CAMK1D: variants seen among roughly 807,000 people sequenced by gnomAD.
CAMK1D encodes the protein calcium/calmodulin-dependent protein kinase type 1D.
A neutral mutation model predicts 47.7 loss-of-function variants in CAMK1D; 9 were observed. The observed-to-expected ratio is 0.19, with a 90% CI of 0.11 to 0.33. CAMK1D has a LOEUF of 0.33. CAMK1D is among the 10% of genes least tolerant of loss of function. The pLI, the probability that CAMK1D is intolerant of heterozygous loss-of-function variation, is 1.00. For synonymous variants in CAMK1D, 184 were observed against 184.9 expected (o/e 0.99, Z 0.04); for missense variants, 291 against 488.7 (o/e 0.60, Z 3.81).
At chr10:12,734,472 GTGTA>G (rs1446668570) in intron 3 of CAMK1D, among the ~76,000 whole-genome samples, 4 of 21,066 alleles carry the variant, frequency 1.9e-4, no homozygotes, top group African/African-American at 2.3e-4. Flanking sequence ...ATACACATAT[GTGTA>G]TATATACACA....
chr10:12,827,498 C>CTTTCTTTCTTTCTTTCTTTCT lies in CAMK1D; in HGVS notation c.1040-1268_1040-1248dup, dbSNP rs1833287867. 1.7e-4 allele frequency among the ~76,000 whole-genome samples: 2 copies of CTTTCTTTCTTTCTTTCTTTCT among 11,760 alleles called. 1 individual carries two copies. The highest frequency in any genetic ancestry group is 3.8e-4 in the Non-Finnish European group (2 of 5,302). 7.7% of individuals were successfully genotyped at this position (11,760 alleles called of 152,430 possible). A position where few individuals can be genotyped will look rare whatever the true frequency, so the allele number is the denominator to read the frequency against. On this transcript the variant is annotated intron_variant, in intron 10 of 10. Coordinates refer to ENST00000619168, the MANE Select transcript of CAMK1D (RefSeq NM_153498.4). The stretch of plus-strand genomic sequence containing the variant: ...TCTTTCTTTCTTTCTTTCTTTCTTT[C>CTTTCTTTCTTTCTTTCTTTCT]TTTCTTTCTTTCTTTCTTTCTTTCT...
At chr10:12,412,296 C>G (rs1386073633) in intron 1 of CAMK1D, among the ~76,000 whole-genome samples, 1 of 151,880 alleles carries the variant, frequency 6.6e-6, no homozygotes, top group Non-Finnish European at 1.5e-5. Context: ...GCTGGTTGCC[C>G]CTCTTTACAG....
intron 6 of CAMK1D, among the ~76,000 whole-genome samples, chr10:12,810,051 G>A (rs1832536336): frequency 6.6e-6 from 1 of 151,250 alleles, no homozygotes; most frequent in South Asian, 2.1e-4. Context: ...GGGAGGCTGA[G>A]GCAGGAGGAT....
intron 2 of CAMK1D, among the ~76,000 whole-genome samples, chr10:12,594,988 C>A (rs1030208260): frequency 2.8e-4 from 42 of 152,100 alleles, no homozygotes; most frequent in Non-Finnish European, 1.3e-4. Context: ...CTGACACTGA[C>A]AATGAAAGGC....
At chr10:12,824,617 G>T in intron 9 of CAMK1D, 65 bp downstream of exon 9, 1 of 1,286,114 alleles carries the variant, frequency 7.8e-7, no homozygotes, top group Non-Finnish European at 1.1e-6. Context: ...CCTCCAATCT[G>T]AGCATTTCTG....
intron 2 of CAMK1D, among the ~76,000 whole-genome samples, chr10:12,621,857 G>A (rs997195301): frequency 2.0e-5 from 3 of 152,046 alleles, no homozygotes; most frequent in East Asian, 3.9e-4. Context: ...TGAAACCCTG[G>A]GTGTTAACCT....
intron 1 of CAMK1D, among the ~76,000 whole-genome samples, chr10:12,466,552 T>C (rs1170976136): frequency 6.7e-6 from 1 of 150,370 alleles, no homozygotes; most frequent in East Asian, 2.0e-4. Context: ...ACCACTACAC[T>C]CCAGCCTGGG....
At chr10:12,564,902 A>G (rs1443148963) in intron 2 of CAMK1D, among the ~76,000 whole-genome samples, 1 of 152,252 alleles carries the variant, frequency 6.6e-6, no homozygotes, top group Non-Finnish European at 1.5e-5. Flanking sequence ...ATATGCATAT[A>G]CACACATTGT....
intron 2 of CAMK1D, among the ~76,000 whole-genome samples, chr10:12,641,359 T>A (rs1839660890): frequency 6.6e-6 from 1 of 152,156 alleles, no homozygotes; most frequent in African/African-American, 2.4e-5. Flanking sequence ...CGGTGGCTCA[T>A]GCCTGTAATC....
At chr10:12,357,441 G>A (rs1588399812) in intron 1 of CAMK1D, among the ~76,000 whole-genome samples, 1 of 151,982 alleles carries the variant, frequency 6.6e-6, no homozygotes, top group Non-Finnish European at 1.5e-5. Flanking sequence ...TCAGCCTCCC[G>A]AGTAGGTAGG....
intron 2 of CAMK1D, among the ~76,000 whole-genome samples, chr10:12,615,690 T>A (rs1218048057): frequency 6.9e-6 from 1 of 145,560 alleles, no homozygotes; most frequent in Non-Finnish European, 1.5e-5. Flanking sequence ...TAGGTGTGTG[T>A]GGTTTGTAGG....
intron 1 of CAMK1D, among the ~76,000 whole-genome samples, chr10:12,426,718 TTTG>T (rs933914417): frequency 1.8e-4 from 28 of 151,830 alleles, no homozygotes; most frequent in African/African-American, 6.3e-4. Context: ...CCAGCTAATT[TTTG>T]TTGTTGTTGT....
At chr10:12,689,565 C>T (rs10795976) in intron 3 of CAMK1D, among the ~76,000 whole-genome samples, 133,258 of 152,036 alleles carry the variant, frequency 0.88, 58,647 homozygotes, top group Middle Eastern at 0.93. Flanking sequence ...TCACCTGAGG[C>T]CAGGAGTTGG....
chr10:12,708,691 T>G (rs1833820972), intron 3 of CAMK1D, among the ~76,000 whole-genome samples: 1 of 152,236 alleles, frequency 6.6e-6, no homozygotes, highest in Non-Finnish European at 1.5e-5. Flanking sequence ...AGTATAAGCA[T>G]CATGGCCTTT....
At chr10:12,581,546 A>T (rs12268458) in intron 2 of CAMK1D, among the ~76,000 whole-genome samples, 6,076 of 152,180 alleles carry the variant, frequency 0.04, 325 homozygotes, top group African/African-American at 0.13. Context: ...CCCCACCAAC[A>T]TCTACTGTTT....
At position 12,613,315 on chromosome 10, in the gene CAMK1D, C is replaced by T. The variant is rs73572269; in HGVS notation, c.225-53421C>T. ...GCAGCTCTTGCTCACTGCAGCAGCACGCTAGTGGTAATATCACAGCCTGTG... is the reference window on the plus strand; with the variant it reads ...GCAGCTCTTGCTCACTGCAGCAGCATGCTAGTGGTAATATCACAGCCTGTG... On this transcript the variant is annotated intron_variant, in intron 2 of 10. Transcript: ENST00000619168. 8.3e-3 allele frequency among the ~76,000 whole-genome samples: 1,257 copies of T among 152,264 alleles called. 13 individuals are homozygous for T. Among genetic ancestry groups the T allele is most frequent in the African/African-American group, 0.028 (1,167 of 41,528 alleles).
At chr10:12,590,303 G>A (rs1224048073) in intron 2 of CAMK1D, among the ~76,000 whole-genome samples, 1 of 151,906 alleles carries the variant, frequency 6.6e-6, no homozygotes, top group Non-Finnish European at 1.5e-5. Flanking sequence ...CTGCAGCCTC[G>A]ACCTCCTGGG....
intron 2 of CAMK1D, among the ~76,000 whole-genome samples, chr10:12,615,813 TGTATAG>T (rs1449975971): frequency 4.0e-5 from 6 of 151,514 alleles, no homozygotes; most frequent in African/African-American, 1.5e-4. Context: ...TGTGTGCGTG[TGTATAG>T]GTATATGTGT....
At chr10:12,636,906 A>G (rs950627080) in intron 2 of CAMK1D, among the ~76,000 whole-genome samples, 4 of 152,140 alleles carry the variant, frequency 2.6e-5, no homozygotes, top group Admixed American at 1.3e-4. Context: ...TGCTCAGGAA[A>G]TCTGAGGAGC....
Sources: gnomAD v4.1 joint callset for allele counts (sites outside exome capture counted in the v4.1 genomes callset) on GRCh38, gnomAD v4.1.1 for gene constraint, MANE v1.5 for transcripts, NCBI Gene and HGNC (gene_info 2026-07-23, HGNC 2026-07-21) for gene names.